The following JAKMIP1 variants were observed in gnomAD, a reference collection of about 807,000 sequenced individuals.
JAKMIP1 encodes janus kinase and microtubule-interacting protein 1.
Under a neutral mutation model 113.0 loss-of-function variants are expected in JAKMIP1, and 33 were observed. The observed-to-expected ratio is 0.29, with a 90% CI of 0.22 to 0.39. The LOEUF (loss-of-function observed/expected upper bound fraction) is 0.39, where lower values mean the gene tolerates loss of function less well. Among genes scored for constraint, JAKMIP1 ranks in the 10% least tolerant of loss-of-function variants. JAKMIP1 has a pLI of 1.00. For synonymous variants in JAKMIP1, 480 were observed against 459.9 expected, an observed-to-expected ratio of 1.04 and a Z score of -0.56; for missense variants, 813 against 1,080.5, an observed-to-expected ratio of 0.75 and a Z score of 3.47.
At chr4:6,114,507 C>T (rs927047362) in intron 1 of JAKMIP1, among the ~76,000 whole-genome samples, 2 of 152,110 alleles carry the variant, frequency 1.3e-5, no homozygotes, top group Non-Finnish European at 1.5e-5. Flanking sequence ...TGCAGATGCT[C>T]GGTGGCCATG....
chr4:6,150,939 G>T lies in JAKMIP1; in HGVS notation c.-147-37942C>A, dbSNP rs1446889267. Among the ~76,000 whole-genome samples, 1 of 152,108 alleles carries T rather than the reference G, an allele frequency of 6.6e-6. No homozygotes were observed. Among genetic ancestry groups the T allele is most frequent in the Non-Finnish European group, 1.5e-5 (1 of 68,020 alleles). On this transcript the variant is annotated intron_variant, in intron 1 of 20. Transcript: ENST00000409021. This position sits in a 1 kb window ranked among gnomAD's most constrained non-coding sequence, Gnocchi z 4.8. ...GACACACATTTACAACCCCACCAGT[G>T]GGTCCCTGTCATCCACCAAAAGCAA...
Position 6,065,993 on chromosome 4 carries a change from T to TG in JAKMIP1, c.1303-986dup, listed in dbSNP as rs1718021103. ...TCTTATTTTAGGAACATAGCTTTTTTGGGTTTTTTTTTCCCAAACAGCCCC... is the reference window on the plus strand; with the variant it reads ...TCTTATTTTAGGAACATAGCTTTTTTGGGGTTTTTTTTTCCCAAACAGCCCC... On this transcript the variant is annotated intron_variant, in intron 8 of 20. Coordinates refer to ENST00000409021, the MANE Select transcript of JAKMIP1 (RefSeq NM_001099433.2). This position sits in a 1 kb window ranked among gnomAD's most constrained non-coding sequence, Gnocchi z 5.1. 6.6e-6 allele frequency among the ~76,000 whole-genome samples: 1 copy of TG among 152,166 alleles called. No individual in the cohort carries two copies. Among genetic ancestry groups the TG allele is most frequent in the Admixed American group, 6.5e-5 (1 of 15,288 alleles).
Position 6,106,005 on chromosome 4 carries a change from G to T in JAKMIP1, c.130-38C>A. On this transcript the variant is annotated intron_variant, in intron 2 of 20. Coordinates refer to ENST00000409021, the MANE Select transcript of JAKMIP1 (RefSeq NM_001099433.2). This position sits in a 1 kb window ranked among gnomAD's most constrained non-coding sequence, Gnocchi z 5.9. ...CGGCGAGAGAGCCGGTCAGGGTCAG[G>T]GTCAGGGTCAGGGTCAGGGTCAGGG... 8.5e-7 allele frequency: 1 copy of T among 1,172,168 alleles called. No individual in the cohort carries two copies. The highest frequency in any genetic ancestry group is 1.5e-5 in the South Asian group (1 of 68,582). 72.6% of individuals were successfully genotyped at this position (1,172,168 alleles called of 1,614,324 possible).
intron 11 of JAKMIP1, among the ~76,000 whole-genome samples, chr4:6,058,892 G>A (rs1313795536): frequency 1.3e-5 from 2 of 152,204 alleles, no homozygotes; most frequent in African/African-American, 4.8e-5. Context: ...GGAAACTGAG[G>A]CTAGCAGCCT....
In JAKMIP1 at chr4:6,108,864, T is replaced by C. The variant is rs1407710956; in HGVS notation, c.130-2897A>G. Among the ~76,000 whole-genome samples, 2 of 152,252 alleles carry C rather than the reference T, an allele frequency of 1.3e-5. No homozygotes were observed. The highest frequency in any genetic ancestry group is 1.3e-4 in the Admixed American group (2 of 15,288). ...TGGGACATCTGTAAGAACTCATGTT[T>C]GACTTTGTATGGATATAGATGTCAT... On this transcript the variant is annotated intron_variant, in intron 2 of 20. Transcript: ENST00000409021. The surrounding 1 kb of genome is among the most constrained non-coding windows in gnomAD (Gnocchi z 5.6).
At position 6,138,680 on chromosome 4, in the gene JAKMIP1, C is replaced by T. The variant is rs1719618407; in HGVS notation, c.-147-25683G>A. Among the ~76,000 whole-genome samples the T allele has an allele frequency of 6.6e-6, 1 of 152,152 alleles. No homozygotes were observed. Among genetic ancestry groups the T allele is most frequent in the Non-Finnish European group, 1.5e-5 (1 of 68,042 alleles). ...GGCAGAACTTCACGTTCTAGAACCACGGAATGGCCGTGCAGTGGCGTGTTC... is the reference window on the plus strand; with the variant it reads ...GGCAGAACTTCACGTTCTAGAACCATGGAATGGCCGTGCAGTGGCGTGTTC... On this transcript the variant is annotated intron_variant, in intron 1 of 20. Coordinates refer to ENST00000409021, the MANE Select transcript of JAKMIP1 (RefSeq NM_001099433.2). This position sits in a 1 kb window ranked among gnomAD's most constrained non-coding sequence, Gnocchi z 6.0.
At chr4:6,085,691 C>T (rs1008284529) in intron 3 of JAKMIP1, 62 bp from the exon 4 acceptor site, 19 of 1,502,798 alleles carry the variant, frequency 1.3e-5, no homozygotes, top group Non-Finnish European at 1.7e-5. Flanking sequence ...AATCTCTCCC[C>T]AAATTGGGGC....
At chr4:6,073,146 G>A (rs1326768461) in intron 8 of JAKMIP1, among the ~76,000 whole-genome samples, 3 of 151,956 alleles carry the variant, frequency 2.0e-5, no homozygotes, top group African/African-American at 4.8e-5. Context: ...CCAGCTGCCA[G>A]TGTCTGTCCT....
intron 3 of JAKMIP1, among the ~76,000 whole-genome samples, chr4:6,101,485 A>G (rs1212749750): frequency 6.6e-6 from 1 of 152,196 alleles, no homozygotes; most frequent in Non-Finnish European, 1.5e-5. Flanking sequence ...AAACTTTGTT[A>G]TAGGTTGTAT....
chr4:6,052,045 G>A (rs1273448135), intron 13 of JAKMIP1, among the ~76,000 whole-genome samples: 3 of 152,084 alleles, frequency 2.0e-5, no homozygotes, highest in African/African-American at 4.8e-5. Context: ...AGAGAGGCAC[G>A]AATCTAGATG....
Position 6,199,599 on chromosome 4 carries a change from T to C in JAKMIP1, c.-148+654A>G, listed in dbSNP as rs901153275. On this transcript the variant is annotated intron_variant, in intron 1 of 20. Coordinates refer to ENST00000409021, the MANE Select transcript of JAKMIP1 (RefSeq NM_001099433.2). This position sits in a 1 kb window ranked among gnomAD's most constrained non-coding sequence, Gnocchi z 5.6. ...GCAGGAGGGTGGGTGCCAGCCTTTC[T>C]TCCCATCTCTCGAGCCTCCTCCCCG... Among the ~76,000 whole-genome samples the C allele has an allele frequency of 2.0e-5, 3 of 151,922 alleles. No homozygotes were observed. The East Asian group carries it at 5.8e-4, about 30-fold the overall frequency.
rs982705487 is a variant in JAKMIP1, at chr4:6,094,749, T to C, written c.625-9120A>G. ...TGGCTCACGCCTATAATCCCAGCAC[T>C]TTGGGAGGCAGAGGCAGGACATTTG... On this transcript the variant is annotated intron_variant, in intron 3 of 20. Coordinates refer to ENST00000409021, the MANE Select transcript of JAKMIP1 (RefSeq NM_001099433.2). The surrounding 1 kb of genome is among the most constrained non-coding windows in gnomAD (Gnocchi z 4.2). Among the ~76,000 whole-genome samples the C allele has an allele frequency of 6.6e-6, 1 of 152,140 alleles. No homozygotes were observed. Among genetic ancestry groups the C allele is most frequent in the African/African-American group, 2.4e-5 (1 of 41,424 alleles).
Position 6,155,678 on chromosome 4 carries a change from T to C in JAKMIP1, c.-147-42681A>G, listed in dbSNP as rs923881806. Reference sequence around the variant, plus strand: ...CAAGGAAAATAAGCAGCCAACTAAATATTTGCTAAATATTCACCAACAACT... The same window carrying C: ...CAAGGAAAATAAGCAGCCAACTAAACATTTGCTAAATATTCACCAACAACT... On this transcript the variant is annotated intron_variant, in intron 1 of 20. Coordinates refer to ENST00000409021, the MANE Select transcript of JAKMIP1 (RefSeq NM_001099433.2). The surrounding 1 kb of genome is among the most constrained non-coding windows in gnomAD (Gnocchi z 6.1). 3.3e-5 allele frequency among the ~76,000 whole-genome samples: 5 copies of C among 152,212 alleles called. No homozygotes were observed. The highest frequency in any genetic ancestry group is 7.3e-5 in the Non-Finnish European group (5 of 68,040).
intron 11 of JAKMIP1, 50 bp downstream of exon 11, chr4:6,060,374 A>G: frequency 1.4e-6 from 2 of 1,398,768 alleles, no homozygotes; most frequent in Non-Finnish European, 2.0e-6. Flanking sequence ...GGATACCACC[A>G]AGGGGACAGA....
At chr4:6,029,395 A>C (rs1367100133) in intron 20 of JAKMIP1, among the ~76,000 whole-genome samples, 1 of 152,120 alleles carries the variant, frequency 6.6e-6, no homozygotes, top group Non-Finnish European at 1.5e-5. Context: ...GATGCCACTG[A>C]CCTCATCGGG....
intron 20 of JAKMIP1, among the ~76,000 whole-genome samples, chr4:6,029,255 G>A (rs1257270689): frequency 6.6e-6 from 1 of 152,238 alleles, no homozygotes; most frequent in Non-Finnish European, 1.5e-5. Context: ...CCCATTGAGA[G>A]GCCAGCCTCA....
chr4:6,189,375 T>C (rs547111481), intron 1 of JAKMIP1, among the ~76,000 whole-genome samples: 3 of 152,230 alleles, frequency 2.0e-5, no homozygotes, highest in Non-Finnish European at 4.4e-5. Context: ...CCAAGCATTA[T>C]AGTATCTGAG....
Position 6,138,447 on chromosome 4 carries a change from G to A in JAKMIP1, c.-147-25450C>T, listed in dbSNP as rs1719587541. Among the ~76,000 whole-genome samples the A allele has an allele frequency of 6.6e-6, 1 of 151,580 alleles. No individual in the cohort carries two copies. Among genetic ancestry groups the A allele is most frequent in the African/African-American group, 2.4e-5 (1 of 40,936 alleles). On this transcript the variant is annotated intron_variant, in intron 1 of 20. Transcript: ENST00000409021. This position sits in a 1 kb window ranked among gnomAD's most constrained non-coding sequence, Gnocchi z 6.0. ...AGATGGGGTTTCGCCATGTTGACCAGGCTGGTCTCAAACTCCTGACCTCAC... is the reference window on the plus strand; with the variant it reads ...AGATGGGGTTTCGCCATGTTGACCAAGCTGGTCTCAAACTCCTGACCTCAC...
Position 6,186,268 on chromosome 4 carries a change from G to A in JAKMIP1, c.-148+13985C>T, listed in dbSNP as rs962710946. On this transcript the variant is annotated intron_variant, in intron 1 of 20. Transcript: ENST00000409021. This position sits in a 1 kb window ranked among gnomAD's most constrained non-coding sequence, Gnocchi z 5.5. ...GCACAGCAGGGTGGGGAAGTCCAAG[G>A]AATGGGCATTCCAGGAAAGTGGGAT... Among the ~76,000 whole-genome samples the A allele has an allele frequency of 1.3e-5, 2 of 152,238 alleles. No individual in the cohort carries two copies. The highest frequency in any genetic ancestry group is 2.9e-5 in the Non-Finnish European group (2 of 68,054).
Sources: gnomAD v4.1 joint callset for allele counts (sites outside exome capture counted in the v4.1 genomes callset) on GRCh38, gnomAD v4.1.1 for gene constraint, Gnocchi (gnomAD v3.1) non-coding constraint, MANE v1.5 for transcripts, NCBI Gene and HGNC (gene_info 2026-07-23, HGNC 2026-07-21) for gene names.